CSGALNACT2: variants seen among roughly 807,000 people sequenced by gnomAD.
CSGALNACT2 encodes the protein beta 4 GalNAcT-2.
CSGALNACT2 carries 35 observed loss-of-function variants against 55.3 expected under a neutral mutation model. The observed-to-expected ratio is 0.63, with a 90% CI of 0.48 to 0.84. The LOEUF (loss-of-function observed/expected upper bound fraction) is 0.84, where lower values mean the gene tolerates loss of function less well. Ranked by LOEUF, CSGALNACT2 falls within the 40% of genes least tolerant of loss-of-function variation. The probability of loss-of-function intolerance (pLI) is 0.00; values close to 1 mark genes in which losing one functional copy is unlikely to be tolerated. For missense variants in CSGALNACT2, 544 were observed against 657.5 expected, an observed-to-expected ratio of 0.83 and a Z score of 1.89; for synonymous variants, 196 against 224.9, an observed-to-expected ratio of 0.87 and a Z score of 1.15.
intron 6 of CSGALNACT2, among the ~76,000 whole-genome samples, chr10:43,175,061 T>G (rs967735218): frequency 6.6e-6 from 1 of 152,226 alleles, no homozygotes; most frequent in African/African-American, 2.4e-5. Context: ...GAAAAGGACT[T>G]TGGCAGTTCC....
chr10:43,157,487 G>C (rs1234585326), intron 2 of CSGALNACT2, among the ~76,000 whole-genome samples: 1 of 152,112 alleles, frequency 6.6e-6, no homozygotes, highest in Admixed American at 6.5e-5. Context: ...CACTTCTTCT[G>C]AGAAGTCATC....
chr10:43,169,616 G>A (rs1184119005), intron 6 of CSGALNACT2, among the ~76,000 whole-genome samples: 1 of 152,160 alleles, frequency 6.6e-6, no homozygotes, highest in Admixed American at 6.5e-5. Context: ...TTAAGACAAG[G>A]AAGATCAAGC....
At chr10:43,174,570 C>T (rs899141224) in intron 6 of CSGALNACT2, among the ~76,000 whole-genome samples, 1 of 152,190 alleles carries the variant, frequency 6.6e-6, no homozygotes, top group Non-Finnish European at 1.5e-5. Flanking sequence ...TGATCCTTCT[C>T]CTTCACTCCC....
intron 6 of CSGALNACT2, among the ~76,000 whole-genome samples, chr10:43,169,265 A>G (rs946082329): frequency 6.6e-6 from 1 of 152,254 alleles, no homozygotes; most frequent in Non-Finnish European, 1.5e-5. Flanking sequence ...AATACTTGAA[A>G]CAAAAGTGAG....
rs138828813 is a variant in CSGALNACT2 at position 43,147,542 on chromosome 10, T to G, written c.-253-7355T>G. On this transcript the variant is annotated intron_variant, in intron 1 of 7. Coordinates refer to ENST00000374466, the MANE Select transcript of CSGALNACT2 (RefSeq NM_018590.5). ...TATTGAATATCATATCTAAGAAATC[T>G]TTGCCTAACTCAGAGTGACAAAGAT... 1.7e-4 allele frequency among the ~76,000 whole-genome samples: 26 copies of G among 152,314 alleles called. No homozygotes were observed. The East Asian group carries it at 4.6e-3, about 27-fold the overall frequency.
chr10:43,162,848 T>G (rs1486448500), intron 4 of CSGALNACT2: 2 of 966,582 alleles, frequency 2.1e-6, no homozygotes, highest in Non-Finnish European at 2.5e-6. Flanking sequence ...GCTGATGCTG[T>G]GGGTTTGGGG....
intron 1 of CSGALNACT2, among the ~76,000 whole-genome samples, chr10:43,143,535 G>A (rs1392093619): frequency 6.8e-6 from 1 of 146,168 alleles, no homozygotes; most frequent in East Asian, 2.1e-4. Flanking sequence ...GTGTGTGTGT[G>A]TGGAATCATA....
intron 6 of CSGALNACT2, among the ~76,000 whole-genome samples, chr10:43,168,795 T>C (rs1427796250): frequency 1.3e-5 from 2 of 152,140 alleles, no homozygotes; most frequent in Non-Finnish European, 2.9e-5. Context: ...GTCTGCCATA[T>C]CTGACGGTGA....
chr10:43,168,535 G>T (rs1009944957), intron 6 of CSGALNACT2, among the ~76,000 whole-genome samples: 14 of 152,032 alleles, frequency 9.2e-5, no homozygotes, highest in African/African-American at 2.9e-4. Flanking sequence ...TACCCTGTAG[G>T]TATATAAATA....
chr10:43,146,408 C>T (rs991353580), intron 1 of CSGALNACT2, among the ~76,000 whole-genome samples: 6 of 152,224 alleles, frequency 3.9e-5, no homozygotes, highest in African/African-American at 1.4e-4. Context: ...CTGCTTTATT[C>T]TACCCCCGCT....
At chr10:43,180,610 A>T (rs1342228574) in intron 7 of CSGALNACT2, among the ~76,000 whole-genome samples, 1 of 152,184 alleles carries the variant, frequency 6.6e-6, no homozygotes, top group Admixed American at 6.5e-5. Flanking sequence ...GATCTGGTAC[A>T]TGCTCTGTCT....
At chr10:43,157,098 A>T (rs560513479) in intron 2 of CSGALNACT2, among the ~76,000 whole-genome samples, 2 of 151,974 alleles carry the variant, frequency 1.3e-5, no homozygotes, top group South Asian at 4.2e-4. Flanking sequence ...GCCATTTTTG[A>T]TGGATTATTT....
At chr10:43,162,296 G>T in intron 4 of CSGALNACT2, 2 of 642,252 alleles carry the variant, frequency 3.1e-6, no homozygotes, top group Non-Finnish European at 5.4e-6. Flanking sequence ...CTTTCTCCCA[G>T]CTCCAGTTGA....
At position 43,155,434 on chromosome 10, in the gene CSGALNACT2, A is replaced by C. The variant is rs1838975774; in HGVS notation, c.285A>C (p.Ser95=). 2 of 1,614,246 alleles carry C rather than the reference A, an allele frequency of 1.2e-6. No individual in the cohort carries two copies. Among genetic ancestry groups the C allele is most frequent in the East Asian group, 4.5e-5 (2 of 44,894 alleles). The change falls in exon 2 of 8, where the codon TCA becomes TCC. Residue 95 remains serine, a synonymous_variant. Transcript: ENST00000374466. ...ELQEMSEKMR[S]LQERRNVGAN... Reference sequence around the variant, plus strand: ...AAGAAATGAGTGAGAAGATGCGGTCACTGCAAGAAAGAAGGAATGTAGGGG... The same window carrying C: ...AAGAAATGAGTGAGAAGATGCGGTCCCTGCAAGAAAGAAGGAATGTAGGGG...
At chr10:43,183,110 C>T in intron 7 of CSGALNACT2, 140 bp from the exon 8 acceptor site, 2 of 678,246 alleles carry the variant, frequency 2.9e-6, no homozygotes, top group Admixed American at 2.6e-5. Flanking sequence ...GGAGTCACTC[C>T]TCCATGCCAG....
chr10:43,176,955 C>T (rs903015799), intron 7 of CSGALNACT2, among the ~76,000 whole-genome samples: 6 of 152,198 alleles, frequency 3.9e-5, no homozygotes, highest in Non-Finnish European at 7.3e-5. Flanking sequence ...TCTTCTGATT[C>T]ATTTAGGGCT....
intron 1 of CSGALNACT2, among the ~76,000 whole-genome samples, chr10:43,150,373 T>A (rs2133102236): frequency 6.6e-6 from 1 of 152,326 alleles, no homozygotes; most frequent in African/African-American, 2.4e-5. Flanking sequence ...CATATTCCTT[T>A]CTGGTATTAT....
intron 1 of CSGALNACT2, among the ~76,000 whole-genome samples, chr10:43,151,492 G>A (rs1838872848): frequency 6.6e-6 from 1 of 152,112 alleles, no homozygotes; most frequent in South Asian, 2.1e-4. Flanking sequence ...CTGTCTGTTG[G>A]GAACATGCAC....
chr10:43,175,008 A>C (rs373292995), intron 6 of CSGALNACT2, among the ~76,000 whole-genome samples: 53 of 152,352 alleles, frequency 3.5e-4, no homozygotes, highest in African/African-American at 1.3e-3. Context: ...ACTTAGACTT[A>C]AGTGGTGACA....
Sources: gnomAD v4.1 joint callset for allele counts (sites outside exome capture counted in the v4.1 genomes callset) on GRCh38, gnomAD v4.1.1 for gene constraint, MANE v1.5 for transcripts, NCBI Gene and HGNC (gene_info 2026-07-23, HGNC 2026-07-21) for gene names.